Variants in AUTS2 observed in about 807,000 individuals in gnomAD.
AUTS2 encodes the protein autism susceptibility gene 2 protein.
AUTS2 carries 17 observed loss-of-function variants against 112.4 expected under a neutral mutation model. That is an observed-to-expected ratio of 0.15 (90% CI 0.10 to 0.23). AUTS2 has a LOEUF of 0.23. Ranked by LOEUF, AUTS2 falls within the 10% of genes least tolerant of loss-of-function variation. The pLI is 1.00. For synonymous variants in AUTS2, 751 were observed against 702.7 expected (o/e 1.07, Z -1.09); for missense variants, 1,510 against 1,701.6 (o/e 0.89, Z 1.98).
intron 5 of AUTS2, among the ~76,000 whole-genome samples, chr7:70,683,991 C>T (rs893534906): frequency 6.6e-6 from 1 of 152,286 alleles, no homozygotes; most frequent in Non-Finnish European, 1.5e-5. Context: ...TAAGGGAATT[C>T]TACGACATTC....
chr7:70,446,045 A>G (rs904473485), intron 5 of AUTS2, among the ~76,000 whole-genome samples: 1 of 152,176 alleles, frequency 6.6e-6, no homozygotes, highest in Non-Finnish European at 1.5e-5. Context: ...AGAAGGGGCC[A>G]TGGTTCCATG....
chr7:70,310,438 G>A (rs971214686), intron 4 of AUTS2, among the ~76,000 whole-genome samples: 7 of 151,938 alleles, frequency 4.6e-5, no homozygotes, highest in Admixed American at 2.0e-4. Context: ...GTGAAACCCC[G>A]TCTCTACTAA....
rs537367630 is a variant in AUTS2, at chr7:69,743,527, G to A, written c.309+143565G>A. 1.7e-4 allele frequency among the ~76,000 whole-genome samples: 26 copies of A among 151,956 alleles called. No homozygotes were observed. The South Asian group carries it at 2.9e-3, about 17-fold the overall frequency. On this transcript the variant is annotated intron_variant, in intron 1 of 18. Transcript: ENST00000342771. ...TTTTTTACATACAATAAAGTGCATC[G>A]ATTTTTAAGTGTACAGTTTTATGAC...
chr7:70,607,611 A>G (rs1407723495), intron 5 of AUTS2, among the ~76,000 whole-genome samples: 1 of 152,212 alleles, frequency 6.6e-6, no homozygotes, highest in Non-Finnish European at 1.5e-5. Flanking sequence ...TGCAATGCCC[A>G]TGCCATTTCC....
intron 5 of AUTS2, among the ~76,000 whole-genome samples, chr7:70,493,275 G>A (rs1176612444): frequency 1.3e-5 from 2 of 152,310 alleles, no homozygotes; most frequent in Non-Finnish European, 2.9e-5. Flanking sequence ...GGAATACATG[G>A]TTGTCTTATC....
At chr7:70,031,567 G>A (rs942084637) in intron 2 of AUTS2, among the ~76,000 whole-genome samples, 7 of 152,138 alleles carry the variant, frequency 4.6e-5, no homozygotes, top group African/African-American at 1.7e-4. Flanking sequence ...CAGTTCATCT[G>A]GCATAGCTCA....
intron 1 of AUTS2, among the ~76,000 whole-genome samples, chr7:69,757,843 T>C (rs1245066784): frequency 6.6e-6 from 1 of 152,202 alleles, no homozygotes; most frequent in Non-Finnish European, 1.5e-5. Flanking sequence ...ATCCAGCAAA[T>C]GTGCAATACA....
chr7:69,965,255 A>G (rs1411854341), intron 2 of AUTS2, among the ~76,000 whole-genome samples: 1 of 152,116 alleles, frequency 6.6e-6, no homozygotes, highest in Non-Finnish European at 1.5e-5. Context: ...TGTTGGAGAA[A>G]GTGTGCTAAG....
chr7:70,080,769 C>A (rs12698843), intron 2 of AUTS2, among the ~76,000 whole-genome samples: 38,837 of 151,950 alleles, frequency 0.26, 4,960 homozygotes, highest in Middle Eastern at 0.33. Context: ...CTCAAATGCA[C>A]TATAGGAAGG....
chr7:69,779,780 A>AG (rs1789067098), intron 1 of AUTS2, among the ~76,000 whole-genome samples: 2 of 150,660 alleles, frequency 1.3e-5, no homozygotes, highest in Non-Finnish European at 3.0e-5. Context: ...AAAAAAAAAA[A>AG]TTAAAAAAAA....
At chr7:69,898,185 C>A (rs897015646) in intron 1 of AUTS2, among the ~76,000 whole-genome samples, 1 of 151,936 alleles carries the variant, frequency 6.6e-6, no homozygotes. Flanking sequence ...AATATATATG[C>A]CGACTATGTA....
intron 4 of AUTS2, among the ~76,000 whole-genome samples, chr7:70,400,248 G>A (rs929904047): frequency 1.3e-5 from 2 of 152,190 alleles, no homozygotes; most frequent in Non-Finnish European, 2.9e-5. Context: ...GGGAAAATTA[G>A]TACCTCAGAG....
At position 69,742,134 on chromosome 7, in the gene AUTS2, G is replaced by C. The variant is rs541612271; in HGVS notation, c.309+142172G>C. ...ACCTTTTTTTTTTTTTTTTTTTGAG[G>C]GGGGAGGGCAGATGGTCTTTTAGAT... On this transcript the variant is annotated intron_variant, in intron 1 of 18. Coordinates refer to ENST00000342771, the MANE Select transcript of AUTS2 (RefSeq NM_015570.4). Among the ~76,000 whole-genome samples, 456 of 147,164 alleles carry C rather than the reference G, an allele frequency of 3.1e-3. 2 individuals are homozygous for C. The highest frequency in any genetic ancestry group is 0.011 in the African/African-American group (431 of 38,634).
intron 6 of AUTS2, among the ~76,000 whole-genome samples, chr7:70,756,624 G>C (rs116158686): frequency 0.016 from 2,459 of 152,164 alleles, 74 homozygotes; most frequent in African/African-American, 0.056. Context: ...GTTTATATTA[G>C]AAGACAATGT....
At chr7:69,613,790 A>AT (rs1260970814) in intron 1 of AUTS2, among the ~76,000 whole-genome samples, 2 of 152,156 alleles carry the variant, frequency 1.3e-5, no homozygotes, top group Non-Finnish European at 2.9e-5. Context: ...GGCTAGGTGT[A>AT]TTTTTTTAAA....
At chr7:69,845,452 A>C (rs1005251557) in intron 1 of AUTS2, among the ~76,000 whole-genome samples, 2 of 152,098 alleles carry the variant, frequency 1.3e-5, no homozygotes, top group Non-Finnish European at 2.9e-5. Flanking sequence ...CTCTATTTTT[A>C]TTAGCTAAGA....
intron 2 of AUTS2, among the ~76,000 whole-genome samples, chr7:70,108,199 T>G (rs1243132666): frequency 6.6e-6 from 1 of 152,082 alleles, no homozygotes; most frequent in Non-Finnish European, 1.5e-5. Context: ...GCACTTGAAA[T>G]GAACTGGGAT....
Position 70,734,147 on chromosome 7 carries a change from A to G in AUTS2, c.743-28723A>G, listed in dbSNP as rs569913771. Among the ~76,000 whole-genome samples, 27 of 151,996 alleles carry G rather than the reference A, an allele frequency of 1.8e-4. No homozygotes were observed. The South Asian group carries it at 4.4e-3, about 25-fold the overall frequency. ...CGTTGTACTCGTTTGTCCAGATACC[A>G]TGAAAACCCTGGTCGGGTGTGGTGG... On this transcript the variant is annotated intron_variant, in intron 6 of 18. Coordinates refer to ENST00000342771, the MANE Select transcript of AUTS2 (RefSeq NM_015570.4).
chr7:69,623,709 A>C (rs2851490), intron 1 of AUTS2, among the ~76,000 whole-genome samples: 1 of 151,814 alleles, frequency 6.6e-6, no homozygotes, highest in African/African-American at 2.4e-5. Flanking sequence ...AAAAGAAAAC[A>C]TTCCTGTGTA....
Sources: gnomAD v4.1 joint callset for allele counts (sites outside exome capture counted in the v4.1 genomes callset) on GRCh38, gnomAD v4.1.1 for gene constraint, MANE v1.5 for transcripts, NCBI Gene and HGNC (gene_info 2026-07-23, HGNC 2026-07-21) for gene names.